Variants in PRDM16 observed in about 807,000 individuals in gnomAD.
PRDM16 encodes the protein histone-lysine N-methyltransferase PRDM16.
A neutral mutation model predicts 110.6 loss-of-function variants in PRDM16; 23 were observed. The ratio of observed to expected loss-of-function variants is 0.21; its 90% CI spans 0.15 to 0.29. The LOEUF (loss-of-function observed/expected upper bound fraction) is 0.29, where lower values mean the gene tolerates loss of function less well. Among genes scored for constraint, PRDM16 ranks in the 10% least tolerant of loss-of-function variants. The probability of loss-of-function intolerance (pLI) is 1.00; values close to 1 mark genes in which losing one functional copy is unlikely to be tolerated. For missense variants in PRDM16, 1,615 were observed against 1,794.3 expected (o/e 0.90, Z 1.81); for synonymous variants, 799 against 781.8 (o/e 1.02, Z -0.37).
At chr1:3,108,398 G>A (rs1166244570) in intron 1 of PRDM16, among the ~76,000 whole-genome samples, 1 of 152,152 alleles carries the variant, frequency 6.6e-6, no homozygotes, top group Non-Finnish European at 1.5e-5. Context: ...TCTATGTAGG[G>A]GAAGTATTCA....
intron 2 of PRDM16, among the ~76,000 whole-genome samples, chr1:3,225,870 C>T (rs1569878058): frequency 6.6e-6 from 1 of 152,316 alleles, no homozygotes; most frequent in South Asian, 2.1e-4. Context: ...GTGTGGGCAC[C>T]GCACAGGCAA....
At chr1:3,086,283 G>C (rs971308475) in intron 1 of PRDM16, among the ~76,000 whole-genome samples, 3 of 152,076 alleles carry the variant, frequency 2.0e-5, no homozygotes, top group African/African-American at 7.2e-5. Context: ...TCTGCCCTGG[G>C]CGCACCTGCT....
At chr1:3,310,289 G>A (rs1013428399) in intron 3 of PRDM16, among the ~76,000 whole-genome samples, 3 of 152,116 alleles carry the variant, frequency 2.0e-5, no homozygotes, top group African/African-American at 7.2e-5. Context: ...TGCCTGCAGT[G>A]TGCACACACC....
chr1:3,341,676 C>T (rs760422555), intron 3 of PRDM16, among the ~76,000 whole-genome samples: 13 of 152,208 alleles, frequency 8.5e-5, no homozygotes, highest in Admixed American at 2.0e-4. Flanking sequence ...AAACATACGT[C>T]GGGTTTTGAG....
Position 3,412,596 on chromosome 1 carries a change from A to G in PRDM16, c.2399A>G (p.Glu800Gly). The G allele has an allele frequency of 6.2e-7, 1 of 1,601,952 alleles. No individual in the cohort carries two copies. The highest frequency in any genetic ancestry group is 8.5e-7 in the Non-Finnish European group (1 of 1,175,146). ...CCCTCGGCCCCCGCATCCGGCGAGG[A>G]GCAGCCGCTGGACCTGAGCATCGGC... ...KGPSAPASGE[E>G]QPLDLSIGSR... Residue 800 changes from glutamate (E) to glycine (G), a missense_variant, in exon 9 of 17, where the codon GAG (glutamate) becomes GGG (glycine). This residue lies in a region of PRDM16 where 772 missense variants were observed against 748.3 expected (regional missense o/e 1.03). Coordinates refer to ENST00000270722, the MANE Select transcript of PRDM16 (RefSeq NM_022114.4).
rs1643117486 is a variant in PRDM16, at chr1:3,382,431, A to G, written c.439-2721A>G. Among the ~76,000 whole-genome samples the G allele has an allele frequency of 6.6e-6, 1 of 152,190 alleles. No individual in the cohort carries two copies. Among genetic ancestry groups the G allele is most frequent in the Non-Finnish European group, 1.5e-5 (1 of 68,026 alleles). ...TTAGGGACCAGGACCTCAAATGTCAAGGGATTTGCAGTCCTGCCTGGGGCA... is the reference window on the plus strand; with the variant it reads ...TTAGGGACCAGGACCTCAAATGTCAGGGGATTTGCAGTCCTGCCTGGGGCA... On this transcript the variant is annotated intron_variant, in intron 3 of 16. Transcript: ENST00000270722. This position sits in a 1 kb window ranked among gnomAD's most constrained non-coding sequence, Gnocchi z 6.6.
chr1:3,304,852 T>TG (rs1641278394), intron 3 of PRDM16, among the ~76,000 whole-genome samples: 1 of 152,086 alleles, frequency 6.6e-6, no homozygotes, highest in Non-Finnish European at 1.5e-5. Context: ...GCACCACAGT[T>TG]GTGGAGGAGC....
chr1:3,412,700 G>A lies in PRDM16; in HGVS notation c.2503G>A (p.Ala835Thr), dbSNP rs755872965. 1.3e-4 allele frequency: 195 copies of A among 1,493,554 alleles called. No individual in the cohort carries two copies. Among genetic ancestry groups the A allele is most frequent in the Non-Finnish European group, 1.6e-4 (179 of 1,121,544 alleles). The allele number at this position is 1,493,554 out of a possible 1,614,324, so 92.5% of individuals were successfully genotyped here. A position where few individuals can be genotyped will look rare whatever the true frequency, so the allele number is the denominator to read the frequency against. Residue 835 changes from alanine to threonine, a missense_variant, in exon 9 of 17, where the codon GCC becomes ACC. This residue lies in a region of PRDM16 where 772 missense variants were observed against 748.3 expected (regional missense o/e 1.03). Coordinates refer to ENST00000270722, the MANE Select transcript of PRDM16 (RefSeq NM_022114.4). ...CGTCTATGGGGAACGCAAGCTGGGCGCCGGCGAGGGGCTGCCCCAGGTGTG... is the reference window on the plus strand; with the variant it reads ...CGTCTATGGGGAACGCAAGCTGGGCACCGGCGAGGGGCTGCCCCAGGTGTG... Reference protein sequence around the residue: ...NHVYGERKLGAGEGLPQVCPA... With the variant: ...NHVYGERKLGTGEGLPQVCPA...
chr1:3,431,595 TTCCTCTCCAGCCTGGATGCTGCCCCTGAG>T (rs1402423487), intron 15 of PRDM16, among the ~76,000 whole-genome samples: 2 of 152,282 alleles, frequency 1.3e-5, no homozygotes, highest in East Asian at 3.9e-4. Flanking sequence ...GAGGTGGCAC[TTCCTCTCCAGCCTGGATGCTGCCCCTGAG>T]TCCTGGGAGA....
intron 1 of PRDM16, among the ~76,000 whole-genome samples, chr1:3,184,392 C>T (rs1569793715): frequency 1.3e-5 from 2 of 152,090 alleles, no homozygotes; most frequent in South Asian, 4.2e-4. Flanking sequence ...CGACAGGGTG[C>T]GGGGCGGGGG....
At chr1:3,426,344 C>T in intron 14 of PRDM16, 119 bp downstream of exon 14, 1 of 751,384 alleles carries the variant, frequency 1.3e-6, no homozygotes. Context: ...CAGATAGGCG[C>T]AGTGGGGGCC....
rs950174869 is a variant in PRDM16, at chr1:3,244,351, G to A, written c.438+214G>A. On this transcript the variant is annotated intron_variant, in intron 3 of 16. Transcript: ENST00000270722. The surrounding 1 kb of genome is among the most constrained non-coding windows in gnomAD (Gnocchi z 4.1). ...ATGGGGAGGTGGGGGTCATGTCGCC[G>A]TAGGGTCACAGGTACAGGGCCATCC... 3.9e-5 allele frequency among the ~76,000 whole-genome samples: 6 copies of A among 152,098 alleles called. No homozygotes were observed. The highest frequency in any genetic ancestry group is 9.7e-5 in the African/African-American group (4 of 41,428).
intron 2 of PRDM16, among the ~76,000 whole-genome samples, chr1:3,194,518 G>T (rs566236621): frequency 6.6e-6 from 1 of 152,118 alleles, no homozygotes; most frequent in East Asian, 1.9e-4. Context: ...AGGGAGGGAG[G>T]CTGGGGCAGG....
At chr1:3,261,454 T>G (rs1640162901) in intron 3 of PRDM16, among the ~76,000 whole-genome samples, 1 of 152,098 alleles carries the variant, frequency 6.6e-6, no homozygotes, top group Admixed American at 6.5e-5. Flanking sequence ...AGCCGCCAAT[T>G]CATAGTGTGG....
At chr1:3,357,652 T>C (rs924853580) in intron 3 of PRDM16, among the ~76,000 whole-genome samples, 1 of 150,164 alleles carries the variant, frequency 6.7e-6, no homozygotes, top group Non-Finnish European at 1.5e-5. Flanking sequence ...ACCCACCCTC[T>C]TCCTGCCCAG....
chr1:3,382,429 C>G lies in PRDM16; in HGVS notation c.439-2723C>G, dbSNP rs1557643912. On this transcript the variant is annotated intron_variant, in intron 3 of 16. Transcript: ENST00000270722. The surrounding 1 kb of genome is among the most constrained non-coding windows in gnomAD (Gnocchi z 6.6). The stretch of plus-strand genomic sequence containing the variant: ...CTTTAGGGACCAGGACCTCAAATGT[C>G]AAGGGATTTGCAGTCCTGCCTGGGG... Among the ~76,000 whole-genome samples the G allele has an allele frequency of 6.6e-6, 1 of 152,198 alleles. No individual in the cohort carries two copies. Among genetic ancestry groups the G allele is most frequent in the Admixed American group, 6.5e-5 (1 of 15,290 alleles).
chr1:3,189,309 G>A (rs1261995545), intron 2 of PRDM16, among the ~76,000 whole-genome samples: 1 of 152,202 alleles, frequency 6.6e-6, no homozygotes. Flanking sequence ...GCCAGAGCAG[G>A]CCTGGTACAG....
In PRDM16 at chr1:3,417,934, G is replaced by A. The variant is rs572092688; in HGVS notation, c.2798G>A (p.Arg933Gln). 8.9e-6 allele frequency: 13 copies of A among 1,468,138 alleles called. No homozygotes were observed. The highest frequency in any genetic ancestry group is 5.8e-5 in the African/African-American group (4 of 68,934). The allele number at this position is 1,468,138 out of a possible 1,614,324, so 90.9% of individuals were successfully genotyped here. The part of the protein sequence containing the change: ...QPLPHHPFNF[R>Q]SPPPTLSDPI... The stretch of plus-strand genomic sequence containing the variant: ...CTCCCCCACCACCCCTTCAACTTCC[G>A]GTCCCCACCCCCAACGCTCTCCGAC... Residue 933 changes from arginine to glutamine, a missense_variant, in exon 11 of 17, where the codon CGG becomes CAG. Physicochemically the swap from Arg to Gln is conservative, Grantham distance 43. This residue lies in a region of PRDM16 where 772 missense variants were observed against 748.3 expected (regional missense o/e 1.03). Transcript: ENST00000270722.
rs1383131707 is a variant in PRDM16 at position 3,411,876 on chromosome 1, C to G, written c.1679C>G (p.Ser560Cys). 3.1e-6 allele frequency: 5 copies of G among 1,612,816 alleles called. No homozygotes were observed. Among genetic ancestry groups the G allele is most frequent in the Non-Finnish European group, 4.2e-6 (5 of 1,179,374 alleles). The change falls in exon 9 of 17, where the codon TCC becomes TGC. Residue 560 changes from serine (S) to cysteine (C), a missense_variant. Ser to Cys is a moderately radical substitution (Grantham distance 112, BLOSUM62 -1). This residue lies in a region of PRDM16 where 772 missense variants were observed against 748.3 expected (regional missense o/e 1.03). Transcript: ENST00000270722. ...GGGAACCCAGCCCTGCCCCTGGTCT[C>G]CGCCGTCAGCAACAGCAGCCAGGGC... ...PLGNPALPLV[S>C]AVSNSSQGTT... is the part of the protein sequence containing the mutation.
Sources: allele counts gnomAD v4.1 joint callset (sites outside exome capture counted in the v4.1 genomes callset), GRCh38; gene constraint gnomAD v4.1.1; regional missense constraint gnomAD v4.1.1; non-coding constraint Gnocchi (gnomAD v3.1); transcripts MANE v1.5; gene names NCBI Gene and HGNC (gene_info 2026-07-23, HGNC 2026-07-21).